Variants in INPP4B observed in about 807,000 individuals in gnomAD.
INPP4B encodes inositol polyphosphate-4-phosphatase type II B, also known as inositol polyphosphate 4-phosphatase type II.
Under a neutral mutation model 122.5 loss-of-function variants are expected in INPP4B, and 55 were observed. The ratio of observed to expected loss-of-function variants is 0.45; its 90% CI spans 0.36 to 0.56. The LOEUF (loss-of-function observed/expected upper bound fraction) is 0.56. INPP4B is among the 20% of genes least tolerant of loss of function. The probability of loss-of-function intolerance (pLI) is 0.00; values close to 1 mark genes in which losing one functional copy is unlikely to be tolerated. For synonymous variants in INPP4B, 403 were observed against 388.7 expected (o/e 1.04, Z -0.43); for missense variants, 1,000 against 1,097.7 (o/e 0.91, Z 1.26).
At chr4:142,227,928 A>G (rs1852338134) in intron 12 of INPP4B, among the ~76,000 whole-genome samples, 1 of 151,558 alleles carries the variant, frequency 6.6e-6, no homozygotes, top group African/African-American at 2.4e-5. Flanking sequence ...ATAGAAAAAC[A>G]GAATATACTT....
chr4:142,442,228 T>C (rs1318345435), intron 3 of INPP4B, among the ~76,000 whole-genome samples: 1 of 151,564 alleles, frequency 6.6e-6, no homozygotes, highest in Non-Finnish European at 1.5e-5. Context: ...CTGGCCAACA[T>C]GGTGAAATGC....
chr4:142,378,112 C>A (rs945285335), intron 7 of INPP4B, among the ~76,000 whole-genome samples: 8 of 152,080 alleles, frequency 5.3e-5, no homozygotes, highest in Non-Finnish European at 1.5e-5. Context: ...ATTTTCCTTC[C>A]AGTAGTCGAC....
chr4:142,150,738 C>T (rs927358390), intron 17 of INPP4B, among the ~76,000 whole-genome samples: 14 of 152,184 alleles, frequency 9.2e-5, no homozygotes, highest in Admixed American at 7.9e-4. Flanking sequence ...GGGGACATTA[C>T]ACCTGGCAGA....
At chr4:142,337,735 T>TTATATATAATATATATTTTATATATA (rs1777244559) in intron 7 of INPP4B, among the ~76,000 whole-genome samples, 7 of 75,402 alleles carry the variant, frequency 9.3e-5, no homozygotes, top group South Asian at 3.8e-4. Flanking sequence ...TTTATATATA[T>TTATATATAATATATATTTTATATATA]TTATATATAT....
intron 1 of INPP4B, among the ~76,000 whole-genome samples, chr4:142,789,131 C>T (rs775444564): frequency 2.0e-5 from 3 of 151,878 alleles, no homozygotes; most frequent in East Asian, 1.9e-4. Context: ...AACATAATAC[C>T]GACTGGGAAA....
At chr4:142,056,665 C>A (rs1019363970) in intron 25 of INPP4B, among the ~76,000 whole-genome samples, 1 of 151,960 alleles carries the variant, frequency 6.6e-6, no homozygotes, top group Non-Finnish European at 1.5e-5. Flanking sequence ...AACAAAGTGC[C>A]GAAAATATCT....
At chr4:142,205,478 T>C (rs775112439) in intron 14 of INPP4B, among the ~76,000 whole-genome samples, 2 of 152,166 alleles carry the variant, frequency 1.3e-5, no homozygotes, top group East Asian at 1.9e-4. Context: ...CAAGACTTCG[T>C]TGATTTTTAA....
At chr4:142,078,716 T>C (rs937982698) in intron 25 of INPP4B, among the ~76,000 whole-genome samples, 1 of 151,948 alleles carries the variant, frequency 6.6e-6, no homozygotes, top group African/African-American at 2.4e-5. Flanking sequence ...ATACTTAATA[T>C]AGATAAGGAC....
At chr4:142,494,659 C>T (rs1366879188) in intron 2 of INPP4B, among the ~76,000 whole-genome samples, 1 of 152,052 alleles carries the variant, frequency 6.6e-6, no homozygotes, top group Non-Finnish European at 1.5e-5. Context: ...CTATTGTTTC[C>T]TGGCTGTTAT....
intron 9 of INPP4B, among the ~76,000 whole-genome samples, chr4:142,272,232 T>C (rs2150594118): frequency 6.6e-6 from 1 of 152,148 alleles, no homozygotes; most frequent in East Asian, 1.9e-4. Context: ...TTTCTATGAG[T>C]AGTTTACCAA....
Position 142,152,066 on chromosome 4 carries a change from C to CTTTTTT in INPP4B, c.1564-6076_1564-6071dup, listed in dbSNP as rs572092121. 2.9e-4 allele frequency among the ~76,000 whole-genome samples: 20 copies of CTTTTTT among 69,952 alleles called. 1 individual carries two copies. Among genetic ancestry groups the CTTTTTT allele is most frequent in the African/African-American group, 9.4e-4 (17 of 18,002 alleles). 45.9% of individuals were successfully genotyped at this position (69,952 alleles called of 152,430 possible). A position where few individuals can be genotyped will look rare whatever the true frequency, so the allele number is the denominator to read the frequency against. Reference sequence around the variant, plus strand: ...TGCCTAACATGCTTTTTTGTCTTTTCTTTTTTTTTTTTTTTTTTTTTTTTT... The same window carrying CTTTTTT: ...TGCCTAACATGCTTTTTTGTCTTTTCTTTTTTTTTTTTTTTTTTTTTTTTTTTTTTT... On this transcript the variant is annotated intron_variant, in intron 17 of 25. Coordinates refer to ENST00000262992, the MANE Select transcript of INPP4B (RefSeq NM_001101669.3).
rs539586385 is a variant in INPP4B at position 142,557,704 on chromosome 4, T to C, written c.-190-94978A>G. 5.3e-5 allele frequency among the ~76,000 whole-genome samples: 8 copies of C among 152,170 alleles called. No individual in the cohort carries two copies. The East Asian group carries it at 9.6e-4, about 18-fold the overall frequency. On this transcript the variant is annotated intron_variant, in intron 2 of 25. Transcript: ENST00000262992. ...TAAAAAATAGAAAAAATATTAGAGG[T>C]AACAATAAGTAATACCAGTGATGAA...
chr4:142,121,511 A>G (rs1211488773), intron 21 of INPP4B, among the ~76,000 whole-genome samples: 2 of 152,086 alleles, frequency 1.3e-5, no homozygotes, highest in African/African-American at 4.8e-5. Context: ...GATTGAGACA[A>G]CTTACTATAA....
intron 7 of INPP4B, among the ~76,000 whole-genome samples, chr4:142,369,722 T>A (rs1248297644): frequency 6.7e-6 from 1 of 150,330 alleles, no homozygotes; most frequent in East Asian, 2.0e-4. Flanking sequence ...AGGTTAGGAG[T>A]TCGAGACCGG....
In INPP4B at chr4:142,523,238, G is replaced by A. The variant is rs768523950; in HGVS notation, c.-190-60512C>T. Among the ~76,000 whole-genome samples the A allele has an allele frequency of 2.6e-5, 4 of 152,212 alleles. No homozygotes were observed. The East Asian group carries it at 5.8e-4, about 22-fold the overall frequency. On this transcript the variant is annotated intron_variant, in intron 2 of 25. Coordinates refer to ENST00000262992, the MANE Select transcript of INPP4B (RefSeq NM_001101669.3). ...CTAAATCAGAAACTCTGACTCTGAC[G>A]TGTGGACCAACAATTCATGTTTTAA...
chr4:142,377,213 T>G (rs1019343565), intron 7 of INPP4B, among the ~76,000 whole-genome samples: 10 of 152,032 alleles, frequency 6.6e-5, no homozygotes, highest in African/African-American at 2.4e-4. Flanking sequence ...TTGGTCCATT[T>G]CACGAATTTT....
At chr4:142,359,880 C>T (rs183485812) in intron 7 of INPP4B, among the ~76,000 whole-genome samples, 11 of 151,964 alleles carry the variant, frequency 7.2e-5, no homozygotes, top group Admixed American at 1.3e-4. Context: ...AAAGTTTATC[C>T]GATCATGCTG....
chr4:142,694,949 C>T (rs1760815979), intron 2 of INPP4B, among the ~76,000 whole-genome samples: 1 of 152,036 alleles, frequency 6.6e-6, no homozygotes, highest in Admixed American at 6.6e-5. Flanking sequence ...AAAACCCTAC[C>T]TGTCACTATT....
intron 2 of INPP4B, among the ~76,000 whole-genome samples, chr4:142,489,870 T>C (rs1821658567): frequency 6.6e-6 from 1 of 152,192 alleles, no homozygotes; most frequent in Non-Finnish European, 1.5e-5. Context: ...CCTTCTTATC[T>C]TCCTTCTCAG....
Sources: allele counts gnomAD v4.1 joint callset (sites outside exome capture counted in the v4.1 genomes callset), GRCh38; gene constraint gnomAD v4.1.1; transcripts MANE v1.5; gene names NCBI Gene and HGNC (gene_info 2026-07-23, HGNC 2026-07-21).